The following STK3 variants were observed in gnomAD, a reference collection of about 807,000 sequenced individuals.
STK3 encodes serine/threonine-protein kinase 3.
Under a neutral mutation model 58.0 loss-of-function variants are expected in STK3, and 41 were observed. The observed-to-expected ratio is 0.71, with a 90% confidence interval of 0.55 to 0.92. The LOEUF (loss-of-function observed/expected upper bound fraction) is 0.92, where lower values mean the gene tolerates loss of function less well. Ranked by LOEUF, STK3 falls within the 40% of genes least tolerant of loss-of-function variation. STK3 has a pLI of 0.00. For synonymous variants in STK3, 170 were observed against 191.0 expected (o/e 0.89, Z 0.91); for missense variants, 479 against 602.7 (o/e 0.79, Z 2.15).
chr8:98,650,612 T>C (rs934226812), intron 6 of STK3, among the ~76,000 whole-genome samples: 43 of 152,230 alleles, frequency 2.8e-4, no homozygotes, highest in Non-Finnish European at 5.3e-4. Context: ...AGAGGGCACC[T>C]GGAAAAGCGG....
At chr8:98,818,344 A>G (rs938558672) in intron 1 of STK3, among the ~76,000 whole-genome samples, 2 of 152,256 alleles carry the variant, frequency 1.3e-5, no homozygotes, top group Admixed American at 1.3e-4. Context: ...ACAATTAATA[A>G]TTACTGAATG....
At chr8:98,917,508 T>G (rs1839387603) in intron 1 of STK3, among the ~76,000 whole-genome samples, 1 of 152,152 alleles carries the variant, frequency 6.6e-6, no homozygotes, top group Admixed American at 6.5e-5. Context: ...GTCACGAGGA[T>G]GGACCGCTTA....
chr8:98,910,025 T>C lies in STK3; in HGVS notation c.-78-26191A>G, dbSNP rs1207433074. Among the ~76,000 whole-genome samples, 3 of 152,250 alleles carry C rather than the reference T, an allele frequency of 2.0e-5. No individual in the cohort carries two copies. In the East Asian group the frequency reaches 5.8e-4, roughly 29 times the overall value. ...CAATATTCATGGTTATCTGACTTTTTGTTTCCAGCCAACCTAGTGGGTATG... is the reference window on the plus strand; with the variant it reads ...CAATATTCATGGTTATCTGACTTTTCGTTTCCAGCCAACCTAGTGGGTATG... On this transcript the variant is annotated intron_variant, in intron 1 of 1. Coordinates refer to the STK3 transcript ENST00000519420.
In STK3 at chr8:98,428,539, G is replaced by C; in HGVS notation, n.483+5588C>G. The C allele has an allele frequency of 6.2e-7, 1 of 1,614,200 alleles. No homozygotes were observed. Among genetic ancestry groups the C allele is most frequent in the Non-Finnish European group, 8.5e-7 (1 of 1,180,034 alleles). On this transcript the variant is annotated intron_variant and non_coding_transcript_variant, in intron 3 of 3. Transcript: ENST00000517832. The surrounding 1 kb of genome is among the most constrained non-coding windows in gnomAD (Gnocchi z 6.7). ...AACCCCGGCTACTCAGTGCTGAGCA[G>C]GGTCTTCAGCATCCTGTCCATCCTG...
intron 10 of STK3, among the ~76,000 whole-genome samples, chr8:98,488,824 C>A (rs533196655): frequency 6.6e-6 from 1 of 152,300 alleles, no homozygotes; most frequent in South Asian, 2.1e-4. Context: ...ATCGTTTTAG[C>A]CAGGCATACA....
At chr8:98,451,276 T>C (rs150310958), downstream of STK3, among the ~76,000 whole-genome samples, 44 of 152,228 alleles carry the variant, frequency 2.9e-4, no homozygotes, top group African/African-American at 1.0e-3. Context: ...GGAAACAAGA[T>C]GGATAAACAC....
chr8:98,855,417 A>G (rs568362033), intron 3 of STK3, among the ~76,000 whole-genome samples: 35 of 152,334 alleles, frequency 2.3e-4, no homozygotes, highest in African/African-American at 8.2e-4. Flanking sequence ...ATGGGGAAAG[A>G]ATGTCTTTTC....
chr8:98,394,627 A>C (rs948278733), intron 3 of STK3, among the ~76,000 whole-genome samples: 2 of 152,260 alleles, frequency 1.3e-5, no homozygotes. Context: ...TACTTTATTC[A>C]TCCTCAAAGG....
chr8:98,781,562 A>C (rs1587605015), intron 1 of STK3, among the ~76,000 whole-genome samples: 1 of 152,348 alleles, frequency 6.6e-6, no homozygotes, highest in East Asian at 1.9e-4. Flanking sequence ...CTCCACGAAT[A>C]CAAAGGTCAT....
At chr8:98,637,030 T>C (rs1185734741) in intron 6 of STK3, among the ~76,000 whole-genome samples, 1 of 151,832 alleles carries the variant, frequency 6.6e-6, no homozygotes, top group Non-Finnish European at 1.5e-5. Flanking sequence ...ATTAGATCCA[T>C]GACTTAATAT....
intron 6 of STK3, among the ~76,000 whole-genome samples, chr8:98,653,526 A>C (rs1349372978): frequency 6.6e-6 from 1 of 152,326 alleles, no homozygotes; most frequent in East Asian, 1.9e-4. Flanking sequence ...ACCCTTCAAA[A>C]AATTAATGAA....
chr8:98,547,950 A>C lies in STK3; in HGVS notation c.1141+19T>G. On this transcript the variant is annotated intron_variant, in intron 9 of 10. Transcript: ENST00000419617. Reference sequence around the variant, plus strand: ...TTTCGAATTAGAAAACTAATATTTAATGTAAAAAAGCCACATACTTTTCAT... The same window carrying C: ...TTTCGAATTAGAAAACTAATATTTACTGTAAAAAAGCCACATACTTTTCAT... 6.6e-7 allele frequency: 1 copy of C among 1,523,156 alleles called. No individual in the cohort carries two copies. The highest frequency in any genetic ancestry group is 1.3e-5 in the South Asian group (1 of 75,710). 94.4% of individuals were successfully genotyped at this position (1,523,156 alleles called of 1,614,324 possible).
At chr8:98,387,733 C>T (rs1817804422) in intron 1 of STK3, among the ~76,000 whole-genome samples, 1 of 152,144 alleles carries the variant, frequency 6.6e-6, no homozygotes, top group Non-Finnish European at 1.5e-5. Flanking sequence ...AAGAGCGAAA[C>T]TCCATGTCAA....
intron 9 of STK3, among the ~76,000 whole-genome samples, chr8:98,535,763 GGAAGGA>G (rs1210565643): frequency 6.6e-6 from 1 of 152,070 alleles, no homozygotes; most frequent in African/African-American, 2.4e-5. Context: ...GCATACACTG[GGAAGGA>G]GAAGGAGAAA....
At chr8:98,787,293 A>G (rs1283733645) in intron 1 of STK3, among the ~76,000 whole-genome samples, 1 of 151,300 alleles carries the variant, frequency 6.6e-6, no homozygotes, top group Non-Finnish European at 1.5e-5. Flanking sequence ...AATGCTCTGG[A>G]GAGTCTCAGC....
chr8:98,741,842 C>G (rs1380497822), intron 4 of STK3, among the ~76,000 whole-genome samples: 1 of 151,928 alleles, frequency 6.6e-6, no homozygotes, highest in Non-Finnish European at 1.5e-5. Flanking sequence ...GCTAGCAAGA[C>G]TAATGAAGAA....
chr8:98,795,378 A>G (rs1311339763), intron 1 of STK3, among the ~76,000 whole-genome samples: 1 of 151,494 alleles, frequency 6.6e-6, no homozygotes, highest in Non-Finnish European at 1.5e-5. Context: ...ACTAGACATC[A>G]AAGGAACATA....
chr8:98,732,387 C>T (rs1363595993), intron 4 of STK3, among the ~76,000 whole-genome samples: 1 of 151,986 alleles, frequency 6.6e-6, no homozygotes, highest in Non-Finnish European at 1.5e-5. Flanking sequence ...GGGGAAAAAA[C>T]CTACAAATAA....
intron 6 of STK3, among the ~76,000 whole-genome samples, chr8:98,601,308 A>G (rs1313926691): frequency 1.3e-5 from 2 of 152,320 alleles, no homozygotes; most frequent in African/African-American, 4.8e-5. Flanking sequence ...CTCATGCACT[A>G]TTTAAATCCC....
Sources: allele counts gnomAD v4.1 joint callset (sites outside exome capture counted in the v4.1 genomes callset), GRCh38; gene constraint gnomAD v4.1.1; non-coding constraint Gnocchi (gnomAD v3.1); transcripts MANE v1.5; gene names NCBI Gene and HGNC (gene_info 2026-07-23, HGNC 2026-07-21).